The following SLC1A3 variants were observed in gnomAD, a reference collection of about 807,000 sequenced individuals.
SLC1A3 encodes the protein solute carrier family 1 member 3, also known as excitatory amino acid transporter 1.
In SLC1A3, 21 loss-of-function variants were observed where a neutral mutation model predicts 48.1. The ratio of observed to expected loss-of-function variants is 0.44; its 90% CI spans 0.31 to 0.63. SLC1A3 has a LOEUF of 0.63. Among genes scored for constraint, SLC1A3 ranks in the 20% least tolerant of loss-of-function variants. SLC1A3 has a pLI of 0.08. For synonymous variants in SLC1A3, 239 were observed against 251.4 expected (o/e 0.95, Z 0.47); for missense variants, 546 against 689.0 (o/e 0.79, Z 2.32).
chr5:36,667,673 C>T (rs1441427371), intron 3 of SLC1A3: 1 of 152,138 alleles, frequency 6.6e-6, no homozygotes, highest in Non-Finnish European at 1.5e-5. Context: ...AAAGATAGGA[C>T]TTAGCGAGTG....
chr5:36,672,599 G>T (rs918015899), intron 4 of SLC1A3, among the ~76,000 whole-genome samples: 1 of 151,574 alleles, frequency 6.6e-6, no homozygotes, highest in Non-Finnish European at 1.5e-5. Context: ...TCAAGGAATG[G>T]GGCTGTGGCA....
chr5:36,603,232 G>T (rs1738828388), upstream of SLC1A3, among the ~76,000 whole-genome samples: 1 of 152,220 alleles, frequency 6.6e-6, no homozygotes, highest in Non-Finnish European at 1.5e-5. Context: ...CTATGGGCAG[G>T]CACCTGCTAG....
In SLC1A3 at chr5:36,679,871, A is replaced by G. The variant is rs755519040; in HGVS notation, c.1094+11A>G. Reference sequence around the variant, plus strand: ...GGGGACCTCTTCAAGGTATGTATGTATGTGTGGAAAATGAGTCTGAAATGT... The same window carrying G: ...GGGGACCTCTTCAAGGTATGTATGTGTGTGTGGAAAATGAGTCTGAAATGT... On this transcript the variant is annotated intron_variant, in intron 7 of 9. Transcript: ENST00000265113. 8.8e-6 allele frequency: 14 copies of G among 1,584,030 alleles called. No homozygotes were observed. Among genetic ancestry groups the G allele is most frequent in the South Asian group, 2.2e-5 (2 of 90,392 alleles).
intron 2 of SLC1A3, among the ~76,000 whole-genome samples, chr5:36,627,390 A>G (rs1739951641): frequency 6.6e-6 from 1 of 152,164 alleles, no homozygotes; most frequent in Admixed American, 6.5e-5. Context: ...ATTCACTAAT[A>G]GAGCATTAAG....
At chr5:36,653,845 G>GT (rs1175904333) in intron 3 of SLC1A3, among the ~76,000 whole-genome samples, 1 of 152,030 alleles carries the variant, frequency 6.6e-6, no homozygotes, top group Non-Finnish European at 1.5e-5. Context: ...TGATGCTTTT[G>GT]TTTGTTTGTT....
intron 3 of SLC1A3, among the ~76,000 whole-genome samples, chr5:36,646,841 GA>G (rs1740859526): frequency 6.6e-6 from 1 of 152,198 alleles, no homozygotes; most frequent in African/African-American, 2.4e-5. Flanking sequence ...AATGTTCAAA[GA>G]GCTATTTTTG....
In SLC1A3 at chr5:36,637,759, G is replaced by A. The variant is rs540589122; in HGVS notation, c.319+8172G>A. ...GGGGTTGGAGGTGGGGAATACTTCC[G>A]AAGTGAGACACTGTCTTAGGCTCTT... On this transcript the variant is annotated intron_variant, in intron 3 of 9. Transcript: ENST00000265113. Among the ~76,000 whole-genome samples the A allele has an allele frequency of 3.2e-4, 49 of 152,222 alleles. No individual in the cohort carries two copies. The Middle Eastern group carries it at 0.014, about 42-fold the overall frequency.
intron 3 of SLC1A3, among the ~76,000 whole-genome samples, chr5:36,646,367 T>A (rs1038344041): frequency 6.6e-6 from 1 of 152,238 alleles, no homozygotes; most frequent in Non-Finnish European, 1.5e-5. Context: ...ATCTTTTCTG[T>A]GTTGAAATCC....
intron 5 of SLC1A3, among the ~76,000 whole-genome samples, chr5:36,674,489 A>G (rs977503469): frequency 3.8e-5 from 5 of 130,216 alleles, no homozygotes; most frequent in African/African-American, 1.6e-4. Context: ...GTTTGATTTA[A>G]ATATCAATGG....
intron 4 of SLC1A3, among the ~76,000 whole-genome samples, chr5:36,673,318 A>C (rs1561280217): frequency 6.6e-6 from 1 of 152,118 alleles, no homozygotes; most frequent in Non-Finnish European, 1.5e-5. Context: ...GTTTAATCCA[A>C]TCTCCTCTTT....
chr5:36,655,420 C>T (rs941762235), intron 3 of SLC1A3, among the ~76,000 whole-genome samples: 2 of 152,156 alleles, frequency 1.3e-5, no homozygotes, highest in African/African-American at 4.8e-5. Context: ...TGTTACTTCA[C>T]CCCGTTTCTG....
intron 5 of SLC1A3, among the ~76,000 whole-genome samples, chr5:36,675,675 G>A (rs1041979589): frequency 5.3e-5 from 8 of 152,130 alleles, no homozygotes; most frequent in African/African-American, 1.9e-4. Flanking sequence ...AGGACCCAAC[G>A]GAATAAAGAA....
intron 3 of SLC1A3, among the ~76,000 whole-genome samples, chr5:36,642,670 T>C (rs1453301202): frequency 2.0e-5 from 3 of 152,132 alleles, no homozygotes; most frequent in Non-Finnish European, 2.9e-5. Context: ...AGGACATTTT[T>C]ATCACCCCAG....
exon 1 of SLC1A3, among the ~76,000 whole-genome samples, chr5:36,596,637 T>C (rs1430584436): frequency 6.6e-6 from 1 of 152,232 alleles, no homozygotes; most frequent in Non-Finnish European, 1.5e-5. Flanking sequence ...AGTAGCTCTC[T>C]AGAAAGGGGA....
chr5:36,630,416 A>C (rs1490992905), intron 3 of SLC1A3: 1 of 152,230 alleles, frequency 6.6e-6, no homozygotes, highest in African/African-American at 2.4e-5. Flanking sequence ...TCCCCACAGC[A>C]CATCTCTGAC....
chr5:36,649,438 T>G (rs1322127732), intron 3 of SLC1A3: 2 of 152,218 alleles, frequency 1.3e-5, no homozygotes, highest in Non-Finnish European at 2.9e-5. Context: ...ATTCCTATTT[T>G]TAGGCTTCCC....
intron 2 of SLC1A3, among the ~76,000 whole-genome samples, chr5:36,619,958 G>T (rs1463549429): frequency 1.3e-5 from 2 of 152,120 alleles, no homozygotes; most frequent in East Asian, 3.8e-4. Flanking sequence ...AGAACTTAAA[G>T]TTCAGGAGGA....
At chr5:36,624,662 C>G (rs141382742) in intron 2 of SLC1A3, among the ~76,000 whole-genome samples, 4 of 152,164 alleles carry the variant, frequency 2.6e-5, no homozygotes, top group Non-Finnish European at 4.4e-5. Context: ...CGTTGACACA[C>G]GTCTTCATTA....
intron 9 of SLC1A3, among the ~76,000 whole-genome samples, 183 bp from the exon 10 acceptor site, chr5:36,685,882 T>C (rs1257912123): frequency 6.6e-6 from 1 of 152,276 alleles, no homozygotes; most frequent in East Asian, 1.9e-4. Context: ...ATCATCTATA[T>C]GGCCTTATAA....
Sources: allele counts gnomAD v4.1 joint callset (sites outside exome capture counted in the v4.1 genomes callset), GRCh38; gene constraint gnomAD v4.1.1; transcripts MANE v1.5; gene names NCBI Gene and HGNC (gene_info 2026-07-23, HGNC 2026-07-21).